The following MICAL3 variants were observed in gnomAD, a reference collection of about 807,000 sequenced individuals.
The protein encoded by MICAL3 is [F-actin]-monooxygenase MICAL3.
A neutral mutation model predicts 207.4 loss-of-function variants in MICAL3; 62 were observed. The observed-to-expected ratio is 0.30, with a 90% confidence interval of 0.24 to 0.37. The LOEUF is 0.37. Ranked by LOEUF, MICAL3 falls within the 10% of genes least tolerant of loss-of-function variation. The pLI, the probability that MICAL3 is intolerant of heterozygous loss-of-function variation, is 1.00. For synonymous variants in MICAL3, 1,077 were observed against 1,069.3 expected (o/e 1.01, Z -0.14); for missense variants, 2,368 against 2,635.6 (o/e 0.90, Z 2.22).
chr22:17,880,438 C>G (rs941536007), intron 16 of MICAL3, among the ~76,000 whole-genome samples: 2 of 152,232 alleles, frequency 1.3e-5, no homozygotes, highest in Non-Finnish European at 2.9e-5. Context: ...GCTCAACCTG[C>G]AACGGCTCAG....
At chr22:17,832,820 A>C (rs1478322848) in intron 20 of MICAL3, among the ~76,000 whole-genome samples, 4 of 152,142 alleles carry the variant, frequency 2.6e-5, no homozygotes, top group Non-Finnish European at 5.9e-5. Flanking sequence ...GGGGCGACAG[A>C]TTCCATTTCC....
At chr22:18,016,899 C>T (rs1205659385) in intron 1 of MICAL3, among the ~76,000 whole-genome samples, 1 of 151,480 alleles carries the variant, frequency 6.6e-6, no homozygotes, top group Non-Finnish European at 1.5e-5. Context: ...AAGATTGCTT[C>T]ACTGCACTCC....
Position 17,850,400 on chromosome 22 carries a change from G to GTTT in MICAL3, c.2606-8386_2606-8384dup, listed in dbSNP as rs565667574. On this transcript the variant is annotated intron_variant, in intron 19 of 31. Transcript: ENST00000441493. ...CTGTGGAACTTTTGCTTTTGAATTA[G>GTTT]TTTTTTTTTTTTTTTTTTTTTTTTT... 7.5e-4 allele frequency among the ~76,000 whole-genome samples: 56 copies of GTTT among 74,412 alleles called. 6 individuals carry two copies. The highest frequency in any genetic ancestry group is 1.6e-3 in the African/African-American group (29 of 18,214). The allele number at this position is 74,412 out of a possible 152,430, so 48.8% of individuals were successfully genotyped here.
In MICAL3 at chr22:17,831,888, C is replaced by G. The variant is rs768673650; in HGVS notation, c.3021G>C (p.Glu1007Asp). The part of the protein sequence containing the change: ...EEEEYEEEEE[E>D]DYDEEEEESS... ...ACTCTTCCTCCTCCTCGTCATAGTCCTCCTCCTCCTCCTCTTCATATTCTT... is the reference window on the plus strand; with the variant it reads ...ACTCTTCCTCCTCCTCGTCATAGTCGTCCTCCTCCTCCTCTTCATATTCTT... The change falls in exon 21 of 32, where the codon GAG becomes GAC. Residue 1007 changes from glutamate to aspartate, a missense_variant. Transcript: ENST00000441493. The G allele has an allele frequency of 1.4e-5, 21 of 1,548,438 alleles. No homozygotes were observed. The South Asian group carries it at 1.5e-4, about 11-fold the overall frequency.
At chr22:17,823,110 C>T in intron 22 of MICAL3, 50 bp from the exon 23 acceptor site, 1 of 1,246,906 alleles carries the variant, frequency 8.0e-7, no homozygotes, top group Non-Finnish European at 1.2e-6. Flanking sequence ...GACAGACAGA[C>T]AGGCTGCATC....
intron 16 of MICAL3, chr22:17,884,431 G>T: frequency 8.7e-7 from 1 of 1,153,658 alleles, no homozygotes. Flanking sequence ...CATTAAGGTG[G>T]GAGAAGAACA....
chr22:17,908,844 C>T (rs1931937127), intron 1 of MICAL3, among the ~76,000 whole-genome samples: 1 of 152,210 alleles, frequency 6.6e-6, no homozygotes, highest in South Asian at 2.1e-4. Flanking sequence ...AGACTGCCCA[C>T]TATTCAGCTG....
At chr22:17,888,377 G>A (rs904821380) in intron 13 of MICAL3, among the ~76,000 whole-genome samples, 3 of 152,224 alleles carry the variant, frequency 2.0e-5, no homozygotes, top group African/African-American at 7.2e-5. Flanking sequence ...ATGAGAGCCT[G>A]AGACAGCAAG....
At chr22:17,886,720 G>A (rs1330918588) in intron 15 of MICAL3, among the ~76,000 whole-genome samples, 1 of 151,288 alleles carries the variant, frequency 6.6e-6, no homozygotes, top group Non-Finnish European at 1.5e-5. Context: ...CATGAGAATC[G>A]CTTGAACCCT....
chr22:17,810,305 C>A (rs996427316), intron 28 of MICAL3, among the ~76,000 whole-genome samples: 2 of 152,058 alleles, frequency 1.3e-5, no homozygotes, highest in Admixed American at 6.5e-5. Flanking sequence ...CCTTGTGATC[C>A]GCCCGCCTTG....
At chr22:17,842,134 CAG>C (rs1330896684) in intron 19 of MICAL3, 117 bp from the exon 20 acceptor site, 1 of 1,002,726 alleles carries the variant, frequency 1.0e-6, no homozygotes, top group African/African-American at 1.6e-5. Flanking sequence ...GGACAAAGGT[CAG>C]AGCATTTGCA....
intron 15 of MICAL3, 78 bp from the exon 16 acceptor site, chr22:17,886,129 T>C: frequency 6.7e-7 from 1 of 1,498,156 alleles, no homozygotes; most frequent in Admixed American, 1.7e-5. Flanking sequence ...AGAAGTGCAC[T>C]CAGGACCTGG....
chr22:17,939,823 C>A (rs903293362), intron 1 of MICAL3, among the ~76,000 whole-genome samples: 8 of 152,162 alleles, frequency 5.3e-5, no homozygotes, highest in Admixed American at 3.9e-4. Flanking sequence ...GCCTACCTAA[C>A]GCCAAAAAGA....
intron 1 of MICAL3, among the ~76,000 whole-genome samples, chr22:17,945,120 T>C (rs1483377139): frequency 1.3e-5 from 2 of 151,108 alleles, no homozygotes; most frequent in Non-Finnish European, 2.9e-5. Context: ...TAGGGCTGAG[T>C]GCTGTCAACT....
At position 17,853,416 on chromosome 22, in the gene MICAL3, C is replaced by A. The variant is rs57193068; in HGVS notation, c.2606-11399G>T. Among the ~76,000 whole-genome samples the A allele has an allele frequency of 2.6e-3, 400 of 152,348 alleles. 1 individual carries two copies. Among genetic ancestry groups the A allele is most frequent in the African/African-American group, 9.2e-3 (384 of 41,562 alleles). On this transcript the variant is annotated intron_variant, in intron 19 of 31. Coordinates refer to ENST00000441493, the MANE Select transcript of MICAL3 (RefSeq NM_015241.3). ...CACCTTGTCCTAACCCCACAGCAGG[C>A]ACAGGCCAGAGAGGGAGGCCCGTAC...
intron 1 of MICAL3, among the ~76,000 whole-genome samples, chr22:17,918,688 G>A (rs1040358082): frequency 2.7e-5 from 4 of 150,830 alleles, no homozygotes; most frequent in South Asian, 2.1e-4. Context: ...CTTTCCTGCC[G>A]CCAGCCTCTC....
At chr22:17,952,646 G>C (rs1934403250) in intron 1 of MICAL3, among the ~76,000 whole-genome samples, 1 of 152,220 alleles carries the variant, frequency 6.6e-6, no homozygotes, top group African/African-American at 2.4e-5. Context: ...TAAGCCATCT[G>C]AGCTCCCAAG....
At chr22:17,809,625 G>A (rs554466985) in intron 28 of MICAL3, among the ~76,000 whole-genome samples, 17 of 146,036 alleles carry the variant, frequency 1.2e-4, no homozygotes, top group Admixed American at 6.2e-4. Flanking sequence ...GTGAGACTCC[G>A]TCTCAAACAA....
In MICAL3 at chr22:17,817,770, T is replaced by TG. The variant is rs1331951367; in HGVS notation, c.4890dup (p.Arg1631GlnfsTer18). 1.3e-6 allele frequency: 2 copies of TG among 1,595,824 alleles called. No individual in the cohort carries two copies. The highest frequency in any genetic ancestry group is 2.2e-5 in the East Asian group (1 of 44,608). On this transcript the variant is annotated frameshift_variant, in exon 26 of 32. Coordinates refer to ENST00000441493, the MANE Select transcript of MICAL3 (RefSeq NM_015241.3). LOFTEE classifies it high-confidence loss of function. ...GGTGCTGAGGACGCCTTGCGGGGCC[T>TG]GGGGGCGCCTGAGGCCAGCTCCATC...
Sources: allele counts gnomAD v4.1 joint callset (sites outside exome capture counted in the v4.1 genomes callset), GRCh38; gene constraint gnomAD v4.1.1; transcripts MANE v1.5; gene names NCBI Gene and HGNC (gene_info 2026-07-23, HGNC 2026-07-21).